The following HIVEP2 variants were observed in gnomAD, a reference collection of about 807,000 sequenced individuals.
The protein encoded by HIVEP2 is HIVEP zinc finger 2.
In HIVEP2, 14 loss-of-function variants were observed where a neutral mutation model predicts 180.7. That is an observed-to-expected ratio of 0.08 (90% CI 0.05 to 0.12). The LOEUF (loss-of-function observed/expected upper bound fraction) is 0.12. Ranked by LOEUF, HIVEP2 falls within the 10% of genes least tolerant of loss-of-function variation. The pLI is 1.00. For synonymous variants in HIVEP2, 1,184 were observed against 1,136.4 expected (o/e 1.04, Z -0.84); for missense variants, 2,579 against 3,008.5 (o/e 0.86, Z 3.34).
At chr6:142,825,889 A>T (rs1260771696) in intron 2 of HIVEP2, among the ~76,000 whole-genome samples, 1 of 152,134 alleles carries the variant, frequency 6.6e-6, no homozygotes, top group South Asian at 2.1e-4. Flanking sequence ...CAGACTTTCA[A>T]CATGCTTCAA....
chr6:142,940,478 A>G (rs760992303), intron 1 of HIVEP2, among the ~76,000 whole-genome samples: 1 of 152,182 alleles, frequency 6.6e-6, no homozygotes, highest in African/African-American at 2.4e-5. Context: ...CCAAGGATCA[A>G]CCTGTAACAT....
intron 2 of HIVEP2, among the ~76,000 whole-genome samples, chr6:142,805,435 C>T (rs1404661563): frequency 2.0e-5 from 3 of 148,302 alleles, no homozygotes; most frequent in South Asian, 2.2e-4. Flanking sequence ...CCAACAACTG[C>T]CCCCTATCCC....
In HIVEP2 at chr6:142,771,403, A is replaced by G. The variant is rs1332193358; in HGVS notation, c.3336T>C (p.His1112=). Residue 1112 remains histidine (H), a synonymous_variant, in exon 5 of 10, where the codon CAT becomes CAC. Transcript: ENST00000367603. This position sits in a 1 kb window ranked among gnomAD's most constrained non-coding sequence, Gnocchi z 5.4. ...SVKQEQLEHL[H]AGLRSGWHHG... The stretch of plus-strand genomic sequence containing the variant: ...GGTGCCACCCGGACCGGAGGCCAGC[A>G]TGCAGGTGCTCCAGCTGCTCTTGCT... 6.2e-7 allele frequency: 1 copy of G among 1,613,384 alleles called. No homozygotes were observed. Among genetic ancestry groups the G allele is most frequent in the Admixed American group, 1.7e-5 (1 of 60,028 alleles).
At chr6:142,825,191 C>A (rs992747696) in intron 2 of HIVEP2, among the ~76,000 whole-genome samples, 1 of 152,030 alleles carries the variant, frequency 6.6e-6, no homozygotes, top group Non-Finnish European at 1.5e-5. Flanking sequence ...TAATCCATAT[C>A]AGTATTTGTT....
In HIVEP2 at chr6:142,773,521, A is replaced by G. The variant is rs754003927; in HGVS notation, c.1218T>C (p.Ser406=). The change falls in exon 5 of 10, where the codon AGT becomes AGC. Residue 406 remains serine (S), a synonymous_variant. Transcript: ENST00000367603. ...TDSGYFSRSE[S]AEQQISPPNT... is the part of the protein sequence containing the mutation. ...TGGGAGGGCTTATTTGCTGCTCAGC[A>G]CTTTCTGAGCGAGAAAAGTAACCAG... 8 of 1,614,252 alleles carry G rather than the reference A, an allele frequency of 5.0e-6. No individual in the cohort carries two copies. The highest frequency in any genetic ancestry group is 1.1e-5 in the South Asian group (1 of 91,088).
chr6:142,835,089 T>C (rs1305089317), intron 2 of HIVEP2, among the ~76,000 whole-genome samples: 1 of 152,210 alleles, frequency 6.6e-6, no homozygotes. Flanking sequence ...ATTTAACCAG[T>C]GACTGCAATG....
intron 1 of HIVEP2, among the ~76,000 whole-genome samples, chr6:142,853,388 G>A (rs198656): frequency 6.4e-4 from 97 of 152,156 alleles, no homozygotes; most frequent in Non-Finnish European, 1.3e-3. Context: ...CTGTTCTTCC[G>A]GCTCCCAGAA....
intron 1 of HIVEP2, among the ~76,000 whole-genome samples, chr6:142,944,145 A>C (rs543566033): frequency 6.6e-6 from 1 of 151,890 alleles, no homozygotes; most frequent in Admixed American, 6.6e-5. Flanking sequence ...CCTTTCCCCC[A>C]CTGGGAACCA....
intron 2 of HIVEP2, among the ~76,000 whole-genome samples, chr6:142,812,135 T>C (rs912957908): frequency 9.9e-5 from 15 of 152,124 alleles, no homozygotes; most frequent in African/African-American, 3.4e-4. Flanking sequence ...GAGCCGAAGA[T>C]GGTTAAAGGT....
intron 1 of HIVEP2, among the ~76,000 whole-genome samples, chr6:142,898,473 C>A (rs1002930982): frequency 2.0e-4 from 31 of 151,960 alleles, no homozygotes; most frequent in Non-Finnish European, 2.9e-4. Context: ...ACCAGCCTGG[C>A]CAACATGGCA....
intron 1 of HIVEP2, among the ~76,000 whole-genome samples, chr6:142,908,409 T>G (rs1026658564): frequency 1.3e-5 from 2 of 152,208 alleles, no homozygotes; most frequent in Non-Finnish European, 2.9e-5. Flanking sequence ...TTATGCCTGT[T>G]TTTTGCATAT....
intron 2 of HIVEP2, among the ~76,000 whole-genome samples, chr6:142,784,309 A>T (rs79913815): frequency 0.03 from 4,554 of 152,198 alleles, 201 homozygotes; most frequent in African/African-American, 0.096. Flanking sequence ...TTATTTTTTT[A>T]AAAAAATCGC....
intron 1 of HIVEP2, among the ~76,000 whole-genome samples, chr6:142,867,996 TTTATACCTCTAATCTGGCATA>T (rs2128409966): frequency 6.6e-6 from 1 of 152,274 alleles, no homozygotes; most frequent in African/African-American, 2.4e-5. Flanking sequence ...ATACTGTCAT[TTTATACCTCTAATCTGGCATA>T]GATTAGAAAC....
chr6:142,815,032 C>A (rs1776797148), intron 2 of HIVEP2, among the ~76,000 whole-genome samples: 1 of 152,116 alleles, frequency 6.6e-6, no homozygotes, highest in Non-Finnish European at 1.5e-5. Flanking sequence ...AGGGCAAAGA[C>A]AGACAAGAGA....
At chr6:142,827,196 G>GTT (rs1774928461) in intron 2 of HIVEP2, among the ~76,000 whole-genome samples, 1 of 151,942 alleles carries the variant, frequency 6.6e-6, no homozygotes, top group Non-Finnish European at 1.5e-5. Flanking sequence ...ATCAAGCCCG[G>GTT]TTGGCTATAT....
rs1283383852 is a variant in HIVEP2, at chr6:142,772,164, T to C, written c.2575A>G (p.Ser859Gly). 4 of 1,614,204 alleles carry C rather than the reference T, an allele frequency of 2.5e-6. 1 individual carries two copies. In the South Asian group the frequency reaches 4.4e-5, roughly 18 times the overall value. Residue 859 changes from serine to glycine, a missense_variant, in exon 5 of 10, where the codon AGT becomes GGT. Physicochemically the swap from Ser to Gly is moderately conservative, Grantham distance 56 (BLOSUM62 0). Transcript: ENST00000367603. The surrounding 1 kb of genome is among the most constrained non-coding windows in gnomAD (Gnocchi z 4.9). ...TGAGATGGAGAGGGTTTCCCCCCACTTTCTGCACCATCCCCAGGTGGAGCC... is the reference window on the plus strand; with the variant it reads ...TGAGATGGAGAGGGTTTCCCCCCACCTTCTGCACCATCCCCAGGTGGAGCC... ...EWAPPGDGAE[S>G]GGKPSPSQQV...
At chr6:142,769,419 C>G in intron 5 of HIVEP2, 133 bp downstream of exon 5, 1 of 753,704 alleles carries the variant, frequency 1.3e-6, no homozygotes, top group South Asian at 1.9e-5. Flanking sequence ...TAAGGCCAGA[C>G]TTTCTGAAAA....
intron 1 of HIVEP2, among the ~76,000 whole-genome samples, chr6:142,897,835 C>T (rs1582950281): frequency 6.6e-6 from 1 of 152,260 alleles, no homozygotes. Context: ...CTGATTCATC[C>T]TTGAGCCACC....
intron 3 of HIVEP2, among the ~76,000 whole-genome samples, chr6:142,778,229 C>T (rs373023238): frequency 2.0e-5 from 3 of 152,152 alleles, no homozygotes; most frequent in East Asian, 1.9e-4. Flanking sequence ...GAGGCAAAAA[C>T]GAAACACAAA....
Sources: gnomAD v4.1 joint callset for allele counts (sites outside exome capture counted in the v4.1 genomes callset) on GRCh38, gnomAD v4.1.1 for gene constraint, Gnocchi (gnomAD v3.1) non-coding constraint, MANE v1.5 for transcripts, NCBI Gene and HGNC (gene_info 2026-07-23, HGNC 2026-07-21) for gene names.